Variants in NUCB2 observed in about 807,000 individuals in gnomAD.
NUCB2 encodes nucleobindin 2.
A neutral mutation model predicts 57.9 loss-of-function variants in NUCB2; 48 were observed. The ratio of observed to expected loss-of-function variants is 0.83; its 90% confidence interval spans 0.66 to 1.05. NUCB2 has a LOEUF of 1.05. Ranked by LOEUF, NUCB2 falls within the 50% of genes least tolerant of loss-of-function variation. The pLI is 0.00. For missense variants in NUCB2, 442 were observed against 476.2 expected (o/e 0.93, Z 0.67); for synonymous variants, 139 against 152.1 (o/e 0.91, Z 0.64).
downstream of NUCB2, among the ~76,000 whole-genome samples, chr11:17,334,988 C>T (rs537568580): frequency 1.3e-5 from 2 of 151,850 alleles, no homozygotes; most frequent in East Asian, 3.9e-4. Flanking sequence ...TTTAGATGAT[C>T]ATTGCATATT....
intron 5 of NUCB2, among the ~76,000 whole-genome samples, chr11:17,306,136 A>G (rs904990990): frequency 4.6e-5 from 7 of 152,288 alleles, no homozygotes; most frequent in African/African-American, 1.7e-4. Flanking sequence ...GTCAAAATCA[A>G]AGAGTAGATT....
At chr11:17,304,225 C>T (rs12275837) in intron 5 of NUCB2, among the ~76,000 whole-genome samples, 2,845 of 151,240 alleles carry the variant, frequency 0.019, 94 homozygotes, top group African/African-American at 0.066. Flanking sequence ...CCGAGTCTCA[C>T]TGAGTCACCC....
At chr11:17,332,367 T>C (rs2139506607), downstream of NUCB2, 1 of 151,798 alleles carries the variant, frequency 6.6e-6, no homozygotes, top group South Asian at 2.1e-4. Flanking sequence ...GAAGTCAATG[T>C]GGCAATGTGA....
At chr11:17,282,551 G>A (rs1325962561) in intron 1 of NUCB2, among the ~76,000 whole-genome samples, 5 of 151,858 alleles carry the variant, frequency 3.3e-5, no homozygotes. Flanking sequence ...AGGAGCCACC[G>A]TGCCCGGCCA....
In NUCB2 at chr11:17,311,275, A is replaced by G. The variant is rs1398114669; in HGVS notation, c.752A>G (p.Lys251Arg). The change falls in exon 8 of 14, where the codon AAA (lysine) becomes AGA (arginine). Residue 251 changes from lysine (K) to arginine (R), a missense_variant. Lys to Arg is a conservative substitution (Grantham distance 26). Coordinates refer to ENST00000529010, the MANE Select transcript of NUCB2 (RefSeq NM_005013.4). The stretch of plus-strand genomic sequence containing the variant: ...GACTTTGACCCCAAGACATTTTTCA[A>G]ATTACATGGTAACGATTTGATACAA... ...PNDFDPKTFF[K>R]LHDVNSDGFL... is the part of the protein sequence containing the mutation. 1 of 1,594,768 alleles carries G rather than the reference A, an allele frequency of 6.3e-7. No individual in the cohort carries two copies. Among genetic ancestry groups the G allele is most frequent in the East Asian group, 2.2e-5 (1 of 44,688 alleles).
chr11:17,302,387 G>A (rs1246641615), intron 5 of NUCB2, among the ~76,000 whole-genome samples: 1 of 151,794 alleles, frequency 6.6e-6, no homozygotes, highest in Non-Finnish European at 1.5e-5. Flanking sequence ...TGAAAAGGAA[G>A]AATGAAAAGT....
At position 17,301,730 on chromosome 11, in the gene NUCB2, A is replaced by G; in HGVS notation, c.253-14A>G. On this transcript the variant is annotated splice_polypyrimidine_tract_variant and intron_variant, in intron 4 of 13. Transcript: ENST00000529010. ...ATGTAATAGATAAAACTAACTTACT[A>G]ATTTTGTTAACAGAGTGGGAGGCTA... 1.3e-6 allele frequency: 2 copies of G among 1,598,590 alleles called. No individual in the cohort carries two copies. The highest frequency in any genetic ancestry group is 4.5e-5 in the East Asian group (2 of 44,788).
intron 11 of NUCB2, among the ~76,000 whole-genome samples, chr11:17,325,672 A>G (rs756278285): frequency 2.0e-5 from 3 of 152,104 alleles, no homozygotes; most frequent in Non-Finnish European, 2.9e-5. Context: ...ATTTACTTTC[A>G]AAGTTATTAT....
At chr11:17,282,196 A>G (rs1026445269) in intron 1 of NUCB2, among the ~76,000 whole-genome samples, 2 of 99,442 alleles carry the variant, frequency 2.0e-5, no homozygotes, top group East Asian at 6.4e-4. Flanking sequence ...ATCTATATCT[A>G]TATCTATATA....
chr11:17,284,972 A>G (rs1943377468), intron 2 of NUCB2, among the ~76,000 whole-genome samples: 1 of 152,062 alleles, frequency 6.6e-6, no homozygotes, highest in Admixed American at 6.6e-5. Context: ...ATTACTTAAT[A>G]CATAAATATT....
At chr11:17,285,934 TACACACACACAC>T (rs140090235) in intron 2 of NUCB2, among the ~76,000 whole-genome samples, 20 of 143,444 alleles carry the variant, frequency 1.4e-4, no homozygotes, top group Non-Finnish European at 4.6e-5. Context: ...CACGTGTGCG[TACACACACACAC>T]ACACACACAC....
intron 1 of NUCB2, chr11:17,337,323 A>G (rs1032197357): frequency 6.6e-6 from 1 of 152,244 alleles, no homozygotes; most frequent in African/African-American, 2.4e-5. Flanking sequence ...TGGTTAGTGC[A>G]TAAGTTTTCA....
intron 11 of NUCB2, 27 bp downstream of exon 11, chr11:17,315,502 G>A: frequency 7.3e-7 from 1 of 1,366,298 alleles, no homozygotes; most frequent in Non-Finnish European, 1.0e-6. Flanking sequence ...TAAATGAGAT[G>A]TATGGTTCAA....
At chr11:17,307,921 C>T (rs753205404) in intron 5 of NUCB2, among the ~76,000 whole-genome samples, 2 of 152,152 alleles carry the variant, frequency 1.3e-5, no homozygotes, top group Non-Finnish European at 2.9e-5. Flanking sequence ...CATGTGTCAT[C>T]AAACTTTAGG....
At chr11:17,301,640 A>C in intron 4 of NUCB2, 104 bp from the exon 5 acceptor site, 2 of 698,230 alleles carry the variant, frequency 2.9e-6, no homozygotes, top group Admixed American at 2.8e-5. Context: ...TAAATTAGTC[A>C]AAAGTATTTA....
chr11:17,280,852 C>T (rs1014997337), intron 1 of NUCB2, among the ~76,000 whole-genome samples: 1 of 152,114 alleles, frequency 6.6e-6, no homozygotes, highest in Non-Finnish European at 1.5e-5. Flanking sequence ...CCAGCCTGGG[C>T]AACATGGTGA....
chr11:17,306,307 C>G (rs1947631221), intron 5 of NUCB2, among the ~76,000 whole-genome samples: 1 of 152,100 alleles, frequency 6.6e-6, no homozygotes, highest in Non-Finnish European at 1.5e-5. Context: ...TCCTAGAAAT[C>G]TTGTTAGAAA....
intron 1 of NUCB2, among the ~76,000 whole-genome samples, chr11:17,279,363 G>A (rs546307410): frequency 2.1e-4 from 32 of 152,070 alleles, no homozygotes; most frequent in Admixed American, 1.8e-3. Flanking sequence ...TCTGCCAAAC[G>A]AACTTGGCCA....
At chr11:17,285,509 G>A (rs1389396189) in intron 2 of NUCB2, among the ~76,000 whole-genome samples, 5 of 151,592 alleles carry the variant, frequency 3.3e-5, no homozygotes, top group East Asian at 1.9e-4. Context: ...CCCAGGAGGC[G>A]GAGGTTGCAG....
Sources: allele counts gnomAD v4.1 joint callset (sites outside exome capture counted in the v4.1 genomes callset), GRCh38; gene constraint gnomAD v4.1.1; transcripts MANE v1.5; gene names NCBI Gene and HGNC (gene_info 2026-07-23, HGNC 2026-07-21).